The following WASHC3 variants were observed in gnomAD, a reference collection of about 807,000 sequenced individuals.
The protein encoded by WASHC3 is WASH complex subunit 3.
In WASHC3, 24 loss-of-function variants were observed where a neutral mutation model predicts 26.1. That is an observed-to-expected ratio of 0.92 (90% CI 0.66 to 1.29). WASHC3 has a LOEUF of 1.29. Among genes scored for constraint, WASHC3 ranks in the 50% most tolerant of loss-of-function variants. The pLI is 0.00. For missense variants in WASHC3, 214 were observed against 229.6 expected (o/e 0.93, Z 0.44); for synonymous variants, 77 against 75.7 (o/e 1.02, Z -0.09).
At chr12:102,049,482 A>C (rs563566982) in intron 2 of WASHC3, among the ~76,000 whole-genome samples, 1 of 152,356 alleles carries the variant, frequency 6.6e-6, no homozygotes, top group South Asian at 2.1e-4. Flanking sequence ...GAATTTACAA[A>C]GTCCCTGATA....
chr12:102,057,733 A>AT (rs529645658), intron 2 of WASHC3, among the ~76,000 whole-genome samples: 9 of 152,122 alleles, frequency 5.9e-5, no homozygotes, highest in Non-Finnish European at 1.2e-4. Flanking sequence ...ACTGAAAACT[A>AT]TAACACATTG....
At chr12:102,038,552 T>TG (rs1224282236) in intron 5 of WASHC3, among the ~76,000 whole-genome samples, 164 of 152,268 alleles carry the variant, frequency 1.1e-3, no homozygotes, top group African/African-American at 3.9e-3. Context: ...TTGTTGTTGT[T>TG]TTTTAACAAG....
At chr12:102,025,813 T>C (rs565227202) in intron 6 of WASHC3, 161 bp downstream of exon 6, 1 of 578,382 alleles carries the variant, frequency 1.7e-6, no homozygotes, top group East Asian at 3.0e-5. Context: ...ATATGATATT[T>C]TTCTGTTTGG....
intron 2 of WASHC3, among the ~76,000 whole-genome samples, chr12:102,052,696 G>A (rs757131749): frequency 6.6e-6 from 1 of 152,044 alleles, no homozygotes; most frequent in Non-Finnish European, 1.5e-5. Flanking sequence ...AGCTCCTGTG[G>A]CCCCAGTCTG....
In WASHC3 at chr12:102,027,353, C is replaced by A. The variant is rs149032246; in HGVS notation, c.436-1315G>T. ...AAGTATATGCTTGTCCAGATATACT[C>A]CTCCCCCTCCAAAATGCTGATTTTG... On this transcript the variant is annotated intron_variant, in intron 5 of 6. Coordinates refer to ENST00000240079, the MANE Select transcript of WASHC3 (RefSeq NM_016053.4). Among the ~76,000 whole-genome samples the A allele has an allele frequency of 3.3e-5, 5 of 152,180 alleles. No homozygotes were observed. The East Asian group carries it at 9.7e-4, about 29-fold the overall frequency.
chr12:102,037,974 T>C (rs1231879355), intron 5 of WASHC3, among the ~76,000 whole-genome samples: 1 of 152,068 alleles, frequency 6.6e-6, no homozygotes, highest in African/African-American at 2.4e-5. Context: ...TTTGTATTTT[T>C]AGTAGAGACA....
At chr12:102,014,985 A>G (rs1157242917) in intron 6 of WASHC3, among the ~76,000 whole-genome samples, 1 of 152,230 alleles carries the variant, frequency 6.6e-6, no homozygotes, top group Non-Finnish European at 1.5e-5. Context: ...CAATGTACAT[A>G]ACTTCCTAAA....
chr12:102,057,092 G>T (rs1240531772), intron 2 of WASHC3, among the ~76,000 whole-genome samples: 1 of 152,022 alleles, frequency 6.6e-6, no homozygotes, highest in Admixed American at 6.5e-5. Flanking sequence ...TTTATCCCTG[G>T]GATACAAGGA....
chr12:102,016,893 A>C (rs564882671), intron 6 of WASHC3, among the ~76,000 whole-genome samples: 1 of 152,356 alleles, frequency 6.6e-6, no homozygotes, highest in African/African-American at 2.4e-5. Context: ...AGTTATAGTA[A>C]GCTAAGGTTA....
intron 4 of WASHC3, among the ~76,000 whole-genome samples, chr12:102,043,039 G>A (rs923460854): frequency 6.6e-6 from 1 of 152,046 alleles, no homozygotes; most frequent in Non-Finnish European, 1.5e-5. Context: ...TGATTCAAAC[G>A]AATCATCTTC....
intron 6 of WASHC3, 83 bp from the exon 7 acceptor site, chr12:102,013,275 G>C (rs953147661): frequency 1.5e-6 from 1 of 688,208 alleles, no homozygotes; most frequent in Middle Eastern, 2.9e-4. Context: ...GTTCATCTTA[G>C]AATATTGCTG....
intron 6 of WASHC3, among the ~76,000 whole-genome samples, chr12:102,023,697 T>C (rs1986854): frequency 0.16 from 23,606 of 152,134 alleles, 1,911 homozygotes; most frequent in Non-Finnish European, 0.18. Flanking sequence ...ATAGGTTACA[T>C]TGAGTCACCC....
chr12:102,017,491 C>T (rs548779083), intron 6 of WASHC3, among the ~76,000 whole-genome samples: 7 of 152,092 alleles, frequency 4.6e-5, no homozygotes, highest in East Asian at 1.9e-4. Context: ...ACAGAGAAGG[C>T]GGAAATAAAA....
intron 2 of WASHC3, chr12:102,050,611 C>A (rs1339608690): frequency 4.4e-6 from 2 of 453,518 alleles, no homozygotes; most frequent in African/African-American, 4.0e-5. Flanking sequence ...CCACTGCACT[C>A]CAGCCTCGGT....
chr12:102,061,187 C>T, intron 2 of WASHC3, 61 bp downstream of exon 2: 2 of 1,059,508 alleles, frequency 1.9e-6, no homozygotes, highest in Non-Finnish European at 2.9e-6. Context: ...CTCCATTTGT[C>T]AGTCTCAGCA....
intron 5 of WASHC3, among the ~76,000 whole-genome samples, chr12:102,026,486 C>A (rs79860144): frequency 0.035 from 5,358 of 152,136 alleles, 370 homozygotes; most frequent in East Asian, 0.29. Context: ...GCAAAGAGTC[C>A]AATTCCATTT....
intron 2 of WASHC3, among the ~76,000 whole-genome samples, chr12:102,056,152 T>C (rs771373393): frequency 7.2e-5 from 11 of 152,226 alleles, no homozygotes; most frequent in Non-Finnish European, 1.6e-4. Context: ...GTAAGTTTAT[T>C]TTTACAGTCT....
chr12:102,045,253 C>T (rs906020059), intron 3 of WASHC3, among the ~76,000 whole-genome samples: 4 of 152,166 alleles, frequency 2.6e-5, no homozygotes, highest in East Asian at 1.9e-4. Context: ...TGTTCAAGAC[C>T]GGGTTTCCAA....
At chr12:102,013,806 T>C (rs1292495696) in intron 6 of WASHC3, among the ~76,000 whole-genome samples, 1 of 152,174 alleles carries the variant, frequency 6.6e-6, no homozygotes, top group East Asian at 1.9e-4. Context: ...GTTTCAAAGA[T>C]CCCCTAGGCA....
Sources: gnomAD v4.1 joint callset for allele counts (sites outside exome capture counted in the v4.1 genomes callset) on GRCh38, gnomAD v4.1.1 for gene constraint, MANE v1.5 for transcripts, NCBI Gene and HGNC (gene_info 2026-07-23, HGNC 2026-07-21) for gene names.